Variants in PACRG observed in about 807,000 individuals in gnomAD.
The protein encoded by PACRG is parkin coregulated gene protein.
PACRG carries 29 observed loss-of-function variants against 29.7 expected under a neutral mutation model. That is an observed-to-expected ratio of 0.98 (90% CI 0.73 to 1.33). The LOEUF (loss-of-function observed/expected upper bound fraction) is 1.33. PACRG is among the 40% of genes most tolerant of loss of function. The pLI is 0.00. For missense variants in PACRG, 279 were observed against 316.2 expected (o/e 0.88, Z 0.89); for synonymous variants, 116 against 118.7 (o/e 0.98, Z 0.15).
At chr6:162,989,002 G>A (rs1803160226) in intron 2 of PACRG, among the ~76,000 whole-genome samples, 1 of 152,010 alleles carries the variant, frequency 6.6e-6, no homozygotes, top group Non-Finnish European at 1.5e-5. Flanking sequence ...TATTAGTTAT[G>A]CGACGAAAAA....
At chr6:163,028,637 C>T (rs1049766662) in intron 2 of PACRG, among the ~76,000 whole-genome samples, 1 of 152,020 alleles carries the variant, frequency 6.6e-6, no homozygotes, top group Non-Finnish European at 1.5e-5. Flanking sequence ...TTCGTTTTTT[C>T]ATATATAAAG....
chr6:162,774,229 A>G (rs913348820), intron 1 of PACRG, among the ~76,000 whole-genome samples: 2 of 152,240 alleles, frequency 1.3e-5, no homozygotes, highest in Non-Finnish European at 2.9e-5. Context: ...AAGTGATCAA[A>G]TGCTGTATGC....
chr6:163,092,735 A>C (rs934907208), intron 4 of PACRG, among the ~76,000 whole-genome samples: 1 of 152,310 alleles, frequency 6.6e-6, no homozygotes, highest in Non-Finnish European at 1.5e-5. Context: ...GCACCTTCAC[A>C]TGGAGCCTGT....
intron 2 of PACRG, among the ~76,000 whole-genome samples, chr6:162,955,551 G>A (rs1194552414): frequency 6.6e-6 from 1 of 152,114 alleles, no homozygotes; most frequent in Non-Finnish European, 1.5e-5. Flanking sequence ...CACCCACCTT[G>A]GCCTCCCAAA....
intron 4 of PACRG, among the ~76,000 whole-genome samples, chr6:163,282,095 T>C (rs747611826): frequency 6.6e-6 from 1 of 152,226 alleles, no homozygotes; most frequent in Non-Finnish European, 1.5e-5. Flanking sequence ...CTTTTCCTTA[T>C]TGAATAAAGC....
At chr6:163,198,271 A>G (rs1005968559) in intron 4 of PACRG, among the ~76,000 whole-genome samples, 1 of 152,256 alleles carries the variant, frequency 6.6e-6, no homozygotes, top group African/African-American at 2.4e-5. Context: ...TCTTGCTAAT[A>G]TAATGAGTCA....
intron 4 of PACRG, among the ~76,000 whole-genome samples, chr6:163,297,748 A>C (rs1355676833): frequency 6.6e-6 from 1 of 152,306 alleles, no homozygotes; most frequent in African/African-American, 2.4e-5. Flanking sequence ...ACACTTTGTA[A>C]ACCTGAGCGC....
intron 3 of PACRG, among the ~76,000 whole-genome samples, chr6:163,078,011 C>T (rs1162593655): frequency 2.6e-5 from 4 of 152,258 alleles, no homozygotes; most frequent in South Asian, 2.1e-4. Context: ...AAGCCGAATC[C>T]GCCGTGCATT....
At chr6:162,811,187 G>A (rs1307618813) in intron 1 of PACRG, among the ~76,000 whole-genome samples, 1 of 152,166 alleles carries the variant, frequency 6.6e-6, no homozygotes, top group Non-Finnish European at 1.5e-5. Flanking sequence ...CCTACATCCA[G>A]TTAAAATGTA....
chr6:163,089,120 CTAT>C, intron 3 of PACRG, 136 bp from the exon 4 acceptor site: 1 of 774,766 alleles, frequency 1.3e-6, no homozygotes, highest in East Asian at 2.7e-5. Context: ...TCATCCAAAG[CTAT>C]AATAATAAAG....
At chr6:162,855,086 C>T (rs1354151593) in intron 2 of PACRG, among the ~76,000 whole-genome samples, 1 of 152,226 alleles carries the variant, frequency 6.6e-6, no homozygotes, top group African/African-American at 2.4e-5. Context: ...ACCATGATTC[C>T]TTCGTTCACT....
At chr6:163,195,081 T>C (rs567141743) in intron 4 of PACRG, among the ~76,000 whole-genome samples, 18 of 152,082 alleles carry the variant, frequency 1.2e-4, no homozygotes, top group Middle Eastern at 3.4e-3. Context: ...GGAGTCCACT[T>C]CTCTTGACCC....
intron 2 of PACRG, among the ~76,000 whole-genome samples, chr6:162,963,028 T>G (rs976181218): frequency 6.6e-6 from 1 of 152,176 alleles, no homozygotes; most frequent in African/African-American, 2.4e-5. Flanking sequence ...TTAGTTCTAA[T>G]GATACTTGTT....
At chr6:162,766,007 C>T (rs1021658464) in intron 1 of PACRG, among the ~76,000 whole-genome samples, 1 of 152,126 alleles carries the variant, frequency 6.6e-6, no homozygotes, top group African/African-American at 2.4e-5. Flanking sequence ...TGTGGATACA[C>T]TGGAATGATC....
At chr6:162,947,364 A>ATG (rs373909688) in intron 2 of PACRG, among the ~76,000 whole-genome samples, 19 of 55,594 alleles carry the variant, frequency 3.4e-4, no homozygotes, top group African/African-American at 1.2e-3. Context: ...TATATAATGT[A>ATG]ATCATATATA....
chr6:162,831,212 C>A (rs977581835), intron 2 of PACRG, among the ~76,000 whole-genome samples: 3 of 152,106 alleles, frequency 2.0e-5, no homozygotes, highest in Admixed American at 6.5e-5. Flanking sequence ...GCCTTCAAAG[C>A]CAACGCATAC....
chr6:163,191,688 C>T (rs1006981121), intron 4 of PACRG: 1 of 456,228 alleles, frequency 2.2e-6, no homozygotes, highest in African/African-American at 2.0e-5. Flanking sequence ...CCATCTGTGC[C>T]TATGCTCTTC....
At chr6:163,044,335 T>C (rs1420893064) in intron 2 of PACRG, among the ~76,000 whole-genome samples, 3 of 152,088 alleles carry the variant, frequency 2.0e-5, no homozygotes, top group Non-Finnish European at 4.4e-5. Flanking sequence ...GCCCGTCTGA[T>C]TTTTAAATTT....
At chr6:162,861,789 T>G (rs1314628806) in intron 2 of PACRG, among the ~76,000 whole-genome samples, 1 of 152,228 alleles carries the variant, frequency 6.6e-6, no homozygotes, top group Non-Finnish European at 1.5e-5. Flanking sequence ...CTATAATTGT[T>G]GGTGAAATCA....
Sources: allele counts gnomAD v4.1 joint callset (sites outside exome capture counted in the v4.1 genomes callset), GRCh38; gene constraint gnomAD v4.1.1; transcripts MANE v1.5; gene names NCBI Gene and HGNC (gene_info 2026-07-23, HGNC 2026-07-21).